Variants in RPS6KC1 observed in about 807,000 individuals in gnomAD.
RPS6KC1 encodes the protein ribosomal protein S6 kinase C1.
Under a neutral mutation model 103.8 loss-of-function variants are expected in RPS6KC1, and 54 were observed. That is an observed-to-expected ratio of 0.52 (90% CI 0.42 to 0.65). RPS6KC1 has a LOEUF of 0.65. Among genes scored for constraint, RPS6KC1 ranks in the 30% least tolerant of loss-of-function variants. The probability of loss-of-function intolerance (pLI) is 0.00; values close to 1 mark genes in which losing one functional copy is unlikely to be tolerated. For synonymous variants in RPS6KC1, 439 were observed against 438.7 expected (o/e 1.00, Z -0.01); for missense variants, 1,151 against 1,253.8 (o/e 0.92, Z 1.24).
intron 6 of RPS6KC1, among the ~76,000 whole-genome samples, chr1:213,146,543 T>A (rs2087855490): frequency 6.6e-6 from 1 of 151,650 alleles, no homozygotes; most frequent in Non-Finnish European, 1.5e-5. Context: ...CTGCTCATCC[T>A]CCTGAGTAGC....
At chr1:213,707,935 G>T in the RPS6KC1 span, among the ~76,000 whole-genome samples, 1 of 152,100 alleles carries the variant, frequency 6.6e-6, no homozygotes, top group Non-Finnish European at 1.5e-5. Context: ...TGCTGTTTTG[G>T]TTACTGTAGT....
the RPS6KC1 span, among the ~76,000 whole-genome samples, chr1:213,409,168 C>G: frequency 2.5e-3 from 374 of 152,200 alleles, 1 homozygote; most frequent in African/African-American, 8.7e-3. Context: ...GCAGGTCCCA[C>G]GCTTGTCCTC....
At chr1:213,625,862 C>A in the RPS6KC1 span, among the ~76,000 whole-genome samples, 30 of 152,096 alleles carry the variant, frequency 2.0e-4, no homozygotes, top group Non-Finnish European at 4.1e-4. Flanking sequence ...CAAGTCTTTG[C>A]TATTGTGAAT....
At chr1:213,615,512 T>G in the RPS6KC1 span, among the ~76,000 whole-genome samples, 1 of 152,234 alleles carries the variant, frequency 6.6e-6, no homozygotes, top group South Asian at 2.1e-4. Flanking sequence ...CCTTCAGCAC[T>G]GCAGGCTGGT....
chr1:213,558,364 C>A, the RPS6KC1 span, among the ~76,000 whole-genome samples: 1 of 152,170 alleles, frequency 6.6e-6, no homozygotes, highest in Non-Finnish European at 1.5e-5. Flanking sequence ...CTACAAAATG[C>A]CATTGTCAGG....
the RPS6KC1 span, among the ~76,000 whole-genome samples, chr1:213,831,271 A>T: frequency 6.6e-6 from 1 of 152,324 alleles, no homozygotes; most frequent in Non-Finnish European, 1.5e-5. Context: ...AAAGATCTTG[A>T]GATGGGGGGA....
At chr1:213,062,182 T>C (rs2077898786) in intron 1 of RPS6KC1, among the ~76,000 whole-genome samples, 1 of 152,200 alleles carries the variant, frequency 6.6e-6, no homozygotes, top group Admixed American at 6.5e-5. Flanking sequence ...ACTTTTTGAG[T>C]GTCAAATGAT....
At chr1:213,800,308 T>A in the RPS6KC1 span, among the ~76,000 whole-genome samples, 2 of 150,606 alleles carry the variant, frequency 1.3e-5, no homozygotes, top group Admixed American at 6.6e-5. Flanking sequence ...CTAGAAGAAA[T>A]TCACATATTG....
At chr1:213,698,131 C>T in the RPS6KC1 span, among the ~76,000 whole-genome samples, 13 of 152,116 alleles carry the variant, frequency 8.5e-5, no homozygotes, top group Admixed American at 7.9e-4. Flanking sequence ...ATAATACTTT[C>T]GACTTATGTT....
intron 1 of RPS6KC1, among the ~76,000 whole-genome samples, chr1:213,055,695 T>C (rs890760013): frequency 1.3e-5 from 2 of 152,238 alleles, no homozygotes; most frequent in African/African-American, 4.8e-5. Flanking sequence ...GTATAAAATT[T>C]AGAATCAGCT....
At chr1:213,316,926 G>C in the RPS6KC1 span, among the ~76,000 whole-genome samples, 3 of 152,168 alleles carry the variant, frequency 2.0e-5, no homozygotes, top group Non-Finnish European at 4.4e-5. Context: ...AGCATGGCTG[G>C]GGCAGAGTGA....
chr1:213,788,524 A>G, the RPS6KC1 span, among the ~76,000 whole-genome samples: 65 of 151,908 alleles, frequency 4.3e-4, no homozygotes, highest in Non-Finnish European at 7.4e-4. Flanking sequence ...CAGAAATTCC[A>G]TTTCTTCCCC....
At chr1:213,078,231 C>T (rs200853555) in intron 3 of RPS6KC1, among the ~76,000 whole-genome samples, 76 of 128,238 alleles carry the variant, frequency 5.9e-4, no homozygotes, top group East Asian at 6.9e-4. Flanking sequence ...CCTTAGTATT[C>T]TTTTTTTTTT....
chr1:213,562,361 T>G, the RPS6KC1 span, among the ~76,000 whole-genome samples: 7 of 5,192 alleles, frequency 1.3e-3, no homozygotes, highest in African/African-American at 2.9e-3. Context: ...AAAGTTCTGT[T>G]TTTTTTTTTT....
chr1:213,645,986 T>TGA, the RPS6KC1 span, among the ~76,000 whole-genome samples: 488 of 152,090 alleles, frequency 3.2e-3, 1 homozygote, highest in African/African-American at 0.011. Flanking sequence ...CCTGGTAACT[T>TGA]GAGAGAGAGA....
the RPS6KC1 span, among the ~76,000 whole-genome samples, chr1:213,433,481 C>G: frequency 6.6e-6 from 1 of 152,134 alleles, no homozygotes; most frequent in African/African-American, 2.4e-5. Context: ...CTTTAATTTC[C>G]TTTAGGTTAA....
chr1:213,345,703 C>T, the RPS6KC1 span, among the ~76,000 whole-genome samples: 1 of 152,198 alleles, frequency 6.6e-6, no homozygotes, highest in Non-Finnish European at 1.5e-5. Flanking sequence ...GGGCCCTGAA[C>T]TCCAATTTTA....
intron 6 of RPS6KC1, among the ~76,000 whole-genome samples, chr1:213,140,072 G>A (rs895548351): frequency 2.0e-5 from 3 of 151,990 alleles, no homozygotes; most frequent in Non-Finnish European, 4.4e-5. Context: ...CTGGTTAGCT[G>A]TATTCCTAGG....
chr1:213,395,993 A>AG, the RPS6KC1 span, among the ~76,000 whole-genome samples: 4 of 152,192 alleles, frequency 2.6e-5, no homozygotes, highest in Admixed American at 2.6e-4. Flanking sequence ...GATTCGATAG[A>AG]GGGCAGGTAG....
Sources: gnomAD v4.1 joint callset for allele counts (sites outside exome capture counted in the v4.1 genomes callset) on GRCh38, gnomAD v4.1.1 for gene constraint, MANE v1.5 for transcripts, NCBI Gene and HGNC (gene_info 2026-07-23, HGNC 2026-07-21) for gene names.